Variants in STAMBPL1 observed in about 807,000 individuals in gnomAD.
The protein encoded by STAMBPL1 is STAM binding protein like 1.
Under a neutral mutation model 52.9 loss-of-function variants are expected in STAMBPL1, and 44 were observed. The observed-to-expected ratio is 0.83, with a 90% CI of 0.65 to 1.07. The LOEUF (loss-of-function observed/expected upper bound fraction) is 1.07. Among genes scored for constraint, STAMBPL1 ranks in the 50% least tolerant of loss-of-function variants. The pLI, the probability that STAMBPL1 is intolerant of heterozygous loss-of-function variation, is 0.00. For missense variants in STAMBPL1, 511 were observed against 520.8 expected (o/e 0.98, Z 0.18); for synonymous variants, 164 against 177.3 (o/e 0.92, Z 0.60).
chr10:88,903,128 A>G (rs1022397203), intron 2 of STAMBPL1, among the ~76,000 whole-genome samples: 12 of 152,226 alleles, frequency 7.9e-5, no homozygotes, highest in African/African-American at 2.9e-4. Flanking sequence ...AAATGAACAC[A>G]AAGGCTTTTT....
At chr10:88,916,881 G>C in intron 8 of STAMBPL1, 64 bp downstream of exon 8, 9 of 1,378,588 alleles carry the variant, frequency 6.5e-6, no homozygotes, top group Non-Finnish European at 8.5e-6. Context: ...CCTCCTTGAA[G>C]AAAAGTTTAG....
intron 4 of STAMBPL1, among the ~76,000 whole-genome samples, chr10:88,910,523 A>T (rs1274925302): frequency 6.6e-6 from 1 of 152,266 alleles, no homozygotes; most frequent in Non-Finnish European, 1.5e-5. Context: ...TATCCACCAT[A>T]TATTCTCTCA....
Position 88,913,484 on chromosome 10 carries a change from A to G in STAMBPL1, c.778+26A>G, listed in dbSNP as rs1232676381. On this transcript the variant is annotated intron_variant, in intron 6 of 10. Coordinates refer to ENST00000371926, the MANE Select transcript of STAMBPL1 (RefSeq NM_020799.4). ...GTAAGTGATGAAATGCACCCATGTG[A>G]GACACTGAGCCTCATCGGATGGAAC... 6 of 1,577,972 alleles carry G rather than the reference A, an allele frequency of 3.8e-6. No individual in the cohort carries two copies. In the South Asian group the frequency reaches 6.9e-5, roughly 18 times the overall value.
intron 1 of STAMBPL1, among the ~76,000 whole-genome samples, chr10:88,884,850 A>C (rs1388711882): frequency 6.6e-6 from 1 of 152,214 alleles, no homozygotes; most frequent in East Asian, 1.9e-4. Flanking sequence ...CCCACGTACT[A>C]GTAGTGTACC....
chr10:88,881,190 C>T (rs534922510), intron 1 of STAMBPL1, among the ~76,000 whole-genome samples: 177 of 152,244 alleles, frequency 1.2e-3, no homozygotes, highest in Non-Finnish European at 2.0e-3. Flanking sequence ...TAACTTAAAG[C>T]TTTCGCTGAA....
chr10:88,899,746 G>T (rs1446610011), intron 1 of STAMBPL1, among the ~76,000 whole-genome samples: 1 of 152,128 alleles, frequency 6.6e-6, no homozygotes, highest in Non-Finnish European at 1.5e-5. Flanking sequence ...CTGACCTCAG[G>T]TGATCCGCCT....
In STAMBPL1 at chr10:88,914,342, A is replaced by G. The variant is rs542215774; in HGVS notation, c.779-192A>G. On this transcript the variant is annotated intron_variant, in intron 6 of 10. Coordinates refer to ENST00000371926, the MANE Select transcript of STAMBPL1 (RefSeq NM_020799.4). ...TCTGATTTTGCTTATAAAATAATTT[A>G]TATACATAATTTAATTTTACTTCTA... Among the ~76,000 whole-genome samples the G allele has an allele frequency of 2.6e-5, 4 of 152,294 alleles. No homozygotes were observed. In the East Asian group the frequency reaches 7.7e-4, roughly 29 times the overall value.
At chr10:88,901,903 A>G (rs893659786) in intron 2 of STAMBPL1, among the ~76,000 whole-genome samples, 165 bp downstream of exon 2, 13 of 152,246 alleles carry the variant, frequency 8.5e-5, no homozygotes, top group African/African-American at 2.9e-4. Context: ...TAATAAAGCT[A>G]TCTTTGTAAG....
chr10:88,920,430 G>A (rs1190094067), intron 8 of STAMBPL1, among the ~76,000 whole-genome samples: 1 of 152,178 alleles, frequency 6.6e-6, no homozygotes, highest in Non-Finnish European at 1.5e-5. Flanking sequence ...AATCTTCAGC[G>A]TCATATAGCT....
At chr10:88,883,109 G>T (rs1844448467) in intron 1 of STAMBPL1, among the ~76,000 whole-genome samples, 1 of 149,176 alleles carries the variant, frequency 6.7e-6, no homozygotes, top group East Asian at 2.0e-4. Context: ...AACATGCGGT[G>T]TTTGGTTTTT....
At chr10:88,901,070 A>G (rs955581283) in intron 1 of STAMBPL1, 1 of 152,206 alleles carries the variant, frequency 6.6e-6, no homozygotes, top group East Asian at 1.9e-4. Flanking sequence ...TTATATCTAC[A>G]ATATCTCTTC....
At chr10:88,894,815 G>A (rs1460028271) in intron 1 of STAMBPL1, among the ~76,000 whole-genome samples, 2 of 152,072 alleles carry the variant, frequency 1.3e-5, no homozygotes, top group African/African-American at 2.4e-5. Context: ...ATATATCTTA[G>A]AACTGTTTCC....
chr10:88,922,226 G>T, intron 9 of STAMBPL1, 111 bp from the exon 10 acceptor site: 4 of 1,010,350 alleles, frequency 4.0e-6, no homozygotes, highest in South Asian at 3.0e-5. Flanking sequence ...CCTAGTTTGT[G>T]ATTTCTCAAT....
At chr10:88,918,278 C>T (rs999645205) in intron 8 of STAMBPL1, among the ~76,000 whole-genome samples, 2 of 145,470 alleles carry the variant, frequency 1.4e-5, no homozygotes, top group African/African-American at 2.7e-5. Context: ...GGAGGAGCAG[C>T]ATGCACACAC....
intron 4 of STAMBPL1, among the ~76,000 whole-genome samples, chr10:88,910,423 A>T (rs1845191207): frequency 6.6e-6 from 1 of 152,222 alleles, no homozygotes; most frequent in Non-Finnish European, 1.5e-5. Context: ...GTGTTAATTC[A>T]GTAGATCCAG....
chr10:88,890,934 C>T (rs779475218), intron 1 of STAMBPL1, among the ~76,000 whole-genome samples: 11 of 152,314 alleles, frequency 7.2e-5, no homozygotes, highest in East Asian at 1.9e-4. Context: ...CTTTATCCAT[C>T]GCTTCCAGAG....
At chr10:88,895,216 AT>A (rs1488252578) in intron 1 of STAMBPL1, among the ~76,000 whole-genome samples, 3 of 152,198 alleles carry the variant, frequency 2.0e-5, no homozygotes, top group Non-Finnish European at 4.4e-5. Flanking sequence ...ATGAAAAGGC[AT>A]ATATTCCCTA....
In STAMBPL1 at chr10:88,913,301, T is replaced by C. The variant is rs1216194771; in HGVS notation, c.621T>C (p.Asp207=). ...QQTSGLSEQI[D]GSALSCFSTH... is the part of the protein sequence containing the mutation. ...CCTCAGGGCTGTCAGAGCAGATTGA[T>C]GGGAGCGCTTTGTCCTGCTTTTCCA... Residue 207 remains aspartate (D), a synonymous_variant, in exon 6 of 11, where the codon GAT becomes GAC. Coordinates refer to ENST00000371926, the MANE Select transcript of STAMBPL1 (RefSeq NM_020799.4). 1 of 1,613,794 alleles carries C rather than the reference T, an allele frequency of 6.2e-7. No individual in the cohort carries two copies. The highest frequency in any genetic ancestry group is 1.3e-5 in the African/African-American group (1 of 74,906).
intron 5 of STAMBPL1, chr10:88,912,615 G>A (rs527866351): frequency 2.6e-5 from 4 of 155,718 alleles, no homozygotes; most frequent in African/African-American, 9.6e-5. Context: ...TTTCCAATAT[G>A]GTATCCACTA....
Sources: gnomAD v4.1 joint callset for allele counts (sites outside exome capture counted in the v4.1 genomes callset) on GRCh38, gnomAD v4.1.1 for gene constraint, MANE v1.5 for transcripts, NCBI Gene and HGNC (gene_info 2026-07-23, HGNC 2026-07-21) for gene names.